Variants in SAMD5 observed in about 807,000 individuals in gnomAD.
SAMD5 encodes sterile alpha motif domain-containing protein 5.
Under a neutral mutation model 11.3 loss-of-function variants are expected in SAMD5, and 13 were observed. The ratio of observed to expected loss-of-function variants is 1.15; its 90% CI spans 0.75 to 1.83. The LOEUF is 1.83. Ranked by LOEUF, SAMD5 falls within the 40% of genes most tolerant of loss-of-function variation. SAMD5 has a pLI of 0.00. For missense variants in SAMD5, 255 were observed against 239.1 expected, an observed-to-expected ratio of 1.07 and a Z score of -0.44; for synonymous variants, 129 against 111.3, an observed-to-expected ratio of 1.16 and a Z score of -1.00.
At chr6:147,588,417 G>A (rs925655259) in intron 1 of SAMD5, among the ~76,000 whole-genome samples, 4 of 148,068 alleles carry the variant, frequency 2.7e-5, no homozygotes, top group Admixed American at 6.8e-5. Context: ...AGGTTCAAGC[G>A]ATTCTCCTGC....
the SAMD5 span, among the ~76,000 whole-genome samples, chr6:147,835,644 C>G: frequency 1.6e-4 from 24 of 152,298 alleles, no homozygotes; most frequent in African/African-American, 5.3e-4. Context: ...AACTTTCCCC[C>G]TCTTCTGCCC....
intron 1 of SAMD5, among the ~76,000 whole-genome samples, chr6:147,583,236 T>C (rs766849260): frequency 1.3e-5 from 2 of 152,164 alleles, no homozygotes; most frequent in African/African-American, 4.8e-5. Context: ...TCCAATACCA[T>C]AGTTAGCTAG....
chr6:147,690,220 A>T (rs1791081199), intron 1 of SAMD5, among the ~76,000 whole-genome samples: 1 of 152,374 alleles, frequency 6.6e-6, no homozygotes, highest in Non-Finnish European at 1.5e-5. Context: ...ACAAACCAGT[A>T]ACTATATTAT....
At chr6:147,633,478 A>G (rs1220078375) in intron 1 of SAMD5, among the ~76,000 whole-genome samples, 1 of 152,062 alleles carries the variant, frequency 6.6e-6, no homozygotes, top group African/African-American at 2.4e-5. Flanking sequence ...TTCTGCTCAC[A>G]CTAGCACAGT....
chr6:147,508,872 C>G lies in SAMD5; in HGVS notation c.-57C>G, dbSNP rs1788033293. On this transcript the variant is annotated 5_prime_UTR_variant, in exon 1 of 2. Transcript: ENST00000367474. The stretch of plus-strand genomic sequence containing the variant: ...GATTAAAAGTTCCAAGAACTGGTGC[C>G]GCCCGTGCCATTTGGGCGCTGGGAA... 1.9e-6 allele frequency: 3 copies of G among 1,572,112 alleles called. No homozygotes were observed. Among genetic ancestry groups the G allele is most frequent in the Non-Finnish European group, 1.7e-6 (2 of 1,161,502 alleles).
At chr6:147,657,676 C>T (rs1355487797) in intron 1 of SAMD5, among the ~76,000 whole-genome samples, 4 of 152,146 alleles carry the variant, frequency 2.6e-5, no homozygotes, top group African/African-American at 9.7e-5. Context: ...TTGGCAGATT[C>T]GGTGTCCGGT....
At position 147,652,289 on chromosome 6, in the gene SAMD5, T is replaced by TTTGG. The variant is rs577235777; in HGVS notation, c.163-85013_163-85010dup. On this transcript the variant is annotated intron_variant, in intron 1 of 1. Coordinates refer to the SAMD5 transcript ENST00000566741. Reference sequence around the variant, plus strand: ...TAATAGCTGAAGGTTTTTTTGTTTGTTTGGTTGGTTGGTTGGTTTTTTTTT... The same window carrying TTTGG: ...TAATAGCTGAAGGTTTTTTTGTTTGTTTGGTTGGTTGGTTGGTTGGTTTTTTTTT... Among the ~76,000 whole-genome samples the TTTGG allele has an allele frequency of 1.2e-3, 182 of 152,264 alleles. 2 individuals carry two copies. Among genetic ancestry groups the TTTGG allele is most frequent in the African/African-American group, 4.2e-3 (175 of 41,562 alleles).
the SAMD5 span, among the ~76,000 whole-genome samples, chr6:147,928,720 C>T: frequency 6.6e-6 from 1 of 151,888 alleles, no homozygotes; most frequent in African/African-American, 2.4e-5. Flanking sequence ...GCTTGGTTTC[C>T]TCTTGCTTCT....
chr6:147,790,196 A>G, the SAMD5 span, among the ~76,000 whole-genome samples: 1 of 152,266 alleles, frequency 6.6e-6, no homozygotes, highest in Non-Finnish European at 1.5e-5. Flanking sequence ...ATGTGTAAAC[A>G]AACTGTGGTA....
chr6:147,886,809 AG>A, the SAMD5 span, among the ~76,000 whole-genome samples: 1 of 152,202 alleles, frequency 6.6e-6, no homozygotes, highest in Non-Finnish European at 1.5e-5. Context: ...AATGGAATTG[AG>A]GAGCTGAGGG....
intron 1 of SAMD5, among the ~76,000 whole-genome samples, chr6:147,674,839 T>G (rs891062594): frequency 6.6e-6 from 1 of 152,222 alleles, no homozygotes; most frequent in African/African-American, 2.4e-5. Context: ...ACTCTCCTTC[T>G]GCTGTTTCCC....
chr6:147,731,859 T>G (rs998451073), intron 1 of SAMD5, among the ~76,000 whole-genome samples: 30 of 152,110 alleles, frequency 2.0e-4, no homozygotes, highest in Non-Finnish European at 3.4e-4. Flanking sequence ...TGAGGAATTG[T>G]GTCAGCAGCA....
chr6:147,897,405 G>C, the SAMD5 span, among the ~76,000 whole-genome samples: 451 of 152,324 alleles, frequency 3.0e-3, 2 homozygotes, highest in African/African-American at 0.011. Context: ...TCTTGGAGGA[G>C]GGGGGCCAGG....
At chr6:147,693,484 G>A (rs1357957303) in intron 1 of SAMD5, among the ~76,000 whole-genome samples, 1 of 152,240 alleles carries the variant, frequency 6.6e-6, no homozygotes, top group Non-Finnish European at 1.5e-5. Context: ...GAGGGGAGGA[G>A]AGAAAGACAA....
At chr6:147,902,379 C>T in the SAMD5 span, among the ~76,000 whole-genome samples, 1 of 151,778 alleles carries the variant, frequency 6.6e-6, no homozygotes, top group African/African-American at 2.4e-5. Context: ...ATTCTTTGTT[C>T]CGCATCTTCT....
chr6:147,740,391 G>A (rs1052942590), downstream of SAMD5, among the ~76,000 whole-genome samples: 1 of 152,174 alleles, frequency 6.6e-6, no homozygotes, highest in Non-Finnish European at 1.5e-5. Context: ...GGCCAGATGA[G>A]CTTTAGGCTG....
intron 1 of SAMD5, among the ~76,000 whole-genome samples, chr6:147,548,948 G>C (rs1788726277): frequency 6.6e-6 from 1 of 152,086 alleles, no homozygotes; most frequent in African/African-American, 2.4e-5. Context: ...AAGGTGAGTA[G>C]AAGTGATGTG....
downstream of SAMD5, among the ~76,000 whole-genome samples, chr6:147,574,803 A>G (rs1789194717): frequency 6.6e-6 from 1 of 152,030 alleles, no homozygotes; most frequent in South Asian, 2.1e-4. Context: ...CTGAGGGAGC[A>G]CCCCTCATGG....
In SAMD5 at chr6:147,579,498, C is replaced by T. The variant is rs902058277; in HGVS notation, c.162+70111C>T. Among the ~76,000 whole-genome samples, 4 of 120,880 alleles carry T rather than the reference C, an allele frequency of 3.3e-5. No homozygotes were observed. In the Admixed American group the frequency reaches 4.5e-4, roughly 13 times the overall value. The allele number at this position is 120,880 out of a possible 152,430, so 79.3% of individuals were successfully genotyped here. A position where few individuals can be genotyped will look rare whatever the true frequency, so the allele number is the denominator to read the frequency against. On this transcript the variant is annotated intron_variant, in intron 1 of 1. Coordinates refer to the SAMD5 transcript ENST00000566741. ...TTTTTTTTTTTGAGACGGAGTCTCACTCTGCAGTGCAGGCTAAAGTGCAGC... is the reference window on the plus strand; with the variant it reads ...TTTTTTTTTTTGAGACGGAGTCTCATTCTGCAGTGCAGGCTAAAGTGCAGC...
Sources: allele counts gnomAD v4.1 joint callset (sites outside exome capture counted in the v4.1 genomes callset), GRCh38; gene constraint gnomAD v4.1.1; transcripts MANE v1.5; gene names NCBI Gene and HGNC (gene_info 2026-07-23, HGNC 2026-07-21).